Variants in GRM5 observed in about 807,000 individuals in gnomAD.
GRM5 encodes the protein metabotropic glutamate receptor 5.
A neutral mutation model predicts 83.1 loss-of-function variants in GRM5; 19 were observed. The observed-to-expected ratio is 0.23, with a 90% CI of 0.16 to 0.34. The LOEUF (loss-of-function observed/expected upper bound fraction) is 0.34, where lower values mean the gene tolerates loss of function less well. GRM5 is among the 10% of genes least tolerant of loss of function. The pLI is 1.00. For synonymous variants in GRM5, 675 were observed against 633.6 expected (o/e 1.07, Z -0.98); for missense variants, 1,160 against 1,588.3 (o/e 0.73, Z 4.58).
chr11:88,650,925 A>G (rs545850997), intron 4 of GRM5, among the ~76,000 whole-genome samples: 2 of 152,142 alleles, frequency 1.3e-5, no homozygotes, highest in African/African-American at 4.8e-5. Flanking sequence ...AATATTATAC[A>G]TCTCTCATTA....
intron 2 of GRM5, among the ~76,000 whole-genome samples, chr11:89,036,111 C>T (rs1163457749): frequency 5.3e-5 from 8 of 151,984 alleles, no homozygotes. Context: ...CTTTAATCCC[C>T]TCTAGTTTCA....
chr11:88,898,354 G>A (rs142764746), intron 2 of GRM5, among the ~76,000 whole-genome samples: 2,521 of 151,994 alleles, frequency 0.017, 43 homozygotes, highest in East Asian at 0.068. Flanking sequence ...TTAAAAATAA[G>A]GTCACATTCT....
At chr11:88,714,226 T>C (rs552969165) in intron 3 of GRM5, among the ~76,000 whole-genome samples, 63 of 152,138 alleles carry the variant, frequency 4.1e-4, no homozygotes, top group Middle Eastern at 3.4e-3. Flanking sequence ...GCTGTGGTTT[T>C]CTTTCTAAAG....
intron 9 of GRM5, among the ~76,000 whole-genome samples, chr11:88,520,108 G>A (rs924810): frequency 0.15 from 22,855 of 151,854 alleles, 1,920 homozygotes; most frequent in African/African-American, 0.19. Context: ...TGTAGCATGG[G>A]AAGAAAAAAA....
chr11:88,870,849 G>A (rs183263242), intron 2 of GRM5, among the ~76,000 whole-genome samples: 12 of 151,572 alleles, frequency 7.9e-5, no homozygotes, highest in African/African-American at 2.7e-4. Flanking sequence ...GAGAGCTTAC[G>A]CCAGAGCTTT....
intron 9 of GRM5, among the ~76,000 whole-genome samples, chr11:88,524,216 T>TTCTTTCTTTCTTTCTTTCTTTCTTTC (rs1271065060): frequency 5.0e-5 from 2 of 40,342 alleles, no homozygotes; most frequent in African/African-American, 8.5e-5. Flanking sequence ...CTTTCTTTCT[T>TTCTTTCTTTCTTTCTTTCTTTCTTTC]TTTTTTTTTT....
chr11:88,874,173 T>TAAAA (rs58425219), intron 2 of GRM5, among the ~76,000 whole-genome samples: 3 of 149,706 alleles, frequency 2.0e-5, no homozygotes, highest in Non-Finnish European at 4.5e-5. Flanking sequence ...TGAGATGATT[T>TAAAA]AAAAAAAAAG....
At chr11:88,625,498 A>G (rs555011868) in intron 4 of GRM5, among the ~76,000 whole-genome samples, 1 of 152,270 alleles carries the variant, frequency 6.6e-6, no homozygotes, top group African/African-American at 2.4e-5. Context: ...AGGGGTCACA[A>G]TTTGACCTTC....
At chr11:88,513,670 A>G (rs1440335283) in intron 9 of GRM5, among the ~76,000 whole-genome samples, 1 of 152,176 alleles carries the variant, frequency 6.6e-6, no homozygotes, top group Non-Finnish European at 1.5e-5. Flanking sequence ...CCAGATTCTC[A>G]GTCCAGGATC....
At chr11:88,757,579 C>T (rs1455735997) in intron 3 of GRM5, among the ~76,000 whole-genome samples, 1 of 152,090 alleles carries the variant, frequency 6.6e-6, no homozygotes, top group Non-Finnish European at 1.5e-5. Context: ...GTCTCACCCC[C>T]ATCAATGTCC....
intron 3 of GRM5, among the ~76,000 whole-genome samples, chr11:88,847,279 T>A (rs1365344573): frequency 6.6e-6 from 1 of 152,194 alleles, no homozygotes; most frequent in Non-Finnish European, 1.5e-5. Flanking sequence ...TCTGTAAGTA[T>A]CATAAGGGCA....
At chr11:88,617,228 A>C (rs940114248) in intron 4 of GRM5, among the ~76,000 whole-genome samples, 2 of 152,158 alleles carry the variant, frequency 1.3e-5, no homozygotes, top group African/African-American at 4.8e-5. Flanking sequence ...ACTACATGGG[A>C]AAAATTTTGG....
At chr11:88,877,365 A>C (rs1012444210) in intron 2 of GRM5, among the ~76,000 whole-genome samples, 1 of 152,162 alleles carries the variant, frequency 6.6e-6, no homozygotes, top group Non-Finnish European at 1.5e-5. Flanking sequence ...AGTGAAAAAA[A>C]GAAACTAAAT....
At chr11:88,657,665 A>G (rs1320678515) in intron 3 of GRM5, among the ~76,000 whole-genome samples, 1 of 152,148 alleles carries the variant, frequency 6.6e-6, no homozygotes, top group African/African-American at 2.4e-5. Flanking sequence ...AGAGAAACTC[A>G]TGAAAGCTTA....
chr11:89,042,356 C>A (rs1246872768), intron 2 of GRM5, among the ~76,000 whole-genome samples: 3 of 152,076 alleles, frequency 2.0e-5, no homozygotes, highest in Non-Finnish European at 4.4e-5. Context: ...TTTTGGAAAC[C>A]AAGTTCTGGA....
At chr11:88,531,700 C>T (rs1942012394) in intron 8 of GRM5, among the ~76,000 whole-genome samples, 2 of 152,076 alleles carry the variant, frequency 1.3e-5, no homozygotes, top group South Asian at 2.1e-4. Flanking sequence ...GGAAAAAACA[C>T]AAACACAGCA....
At chr11:88,983,941 T>A (rs1307234824) in intron 2 of GRM5, among the ~76,000 whole-genome samples, 3 of 151,890 alleles carry the variant, frequency 2.0e-5, no homozygotes. Flanking sequence ...AGTTAAAAAA[T>A]AAAAACTTTT....
intron 3 of GRM5, among the ~76,000 whole-genome samples, chr11:88,770,318 G>C (rs1433585122): frequency 6.6e-6 from 1 of 151,964 alleles, no homozygotes; most frequent in Non-Finnish European, 1.5e-5. Context: ...ATAAACTATG[G>C]ACTTCTTAAT....
At chr11:88,808,699 G>C (rs900976753) in intron 3 of GRM5, among the ~76,000 whole-genome samples, 2 of 151,850 alleles carry the variant, frequency 1.3e-5, no homozygotes, top group Non-Finnish European at 2.9e-5. Flanking sequence ...AATAAAAATG[G>C]CATCAAAATT....
Sources: allele counts gnomAD v4.1 joint callset (sites outside exome capture counted in the v4.1 genomes callset), GRCh38; gene constraint gnomAD v4.1.1; transcripts MANE v1.5; gene names NCBI Gene and HGNC (gene_info 2026-07-23, HGNC 2026-07-21).